AFG3L2: variants seen among roughly 807,000 people sequenced by gnomAD.
AFG3L2 encodes AFG3 like matrix AAA peptidase subunit 2, also known as mitochondrial inner membrane m-AAA protease component AFG3L2.
AFG3L2 carries 54 observed loss-of-function variants against 94.5 expected under a neutral mutation model. The observed-to-expected ratio is 0.57, with a 90% CI of 0.46 to 0.72. The LOEUF (loss-of-function observed/expected upper bound fraction) is 0.72. Ranked by LOEUF, AFG3L2 falls within the 30% of genes least tolerant of loss-of-function variation. The probability of loss-of-function intolerance (pLI) is 0.00; values close to 1 mark genes in which losing one functional copy is unlikely to be tolerated. For synonymous variants in AFG3L2, 377 were observed against 365.5 expected (o/e 1.03, Z -0.36); for missense variants, 754 against 994.9 (o/e 0.76, Z 3.26).
Position 12,355,922 on chromosome 18 carries a change from T to C in AFG3L2, c.1164+772A>G, listed in dbSNP as rs142530205. 9.5e-4 allele frequency among the ~76,000 whole-genome samples: 145 copies of C among 152,192 alleles called. 1 individual carries two copies. Among genetic ancestry groups the C allele is most frequent in the African/African-American group, 3.4e-3 (141 of 41,534 alleles). The stretch of plus-strand genomic sequence containing the variant: ...CTCCAGACCTCCTGATCCGCCTGCC[T>C]TGGCCTCCCAAAGTGCTGGGATATC... On this transcript the variant is annotated intron_variant, in intron 9 of 16. Coordinates refer to ENST00000269143, the MANE Select transcript of AFG3L2 (RefSeq NM_006796.3).
rs1453944727 is a variant in AFG3L2 at position 12,356,735 on chromosome 18, A to G, written c.1123T>C (p.Ser375Pro). 1 of 1,614,228 alleles carries G rather than the reference A, an allele frequency of 6.2e-7. No homozygotes were observed. Residue 375 changes from serine (S) to proline (P), a missense_variant, in exon 9 of 17, where the codon TCT (serine) becomes CCT (proline). By Grantham distance (74) the Ser-to-Pro change is moderately conservative (BLOSUM62 -1). This residue lies in a region of AFG3L2 where 109 missense variants were observed against 227.1 expected (regional missense o/e 0.48). Transcript: ENST00000269143. ...CCAACGAACATCTCCAAAAACTCAG[A>G]TCCACTAACGGTGATGAAGGGGACA... ...ANVPFITVSGSEFLEMFVGVG... is the reference protein window; with the variant it reads ...ANVPFITVSGPEFLEMFVGVG...
chr18:12,340,441 T>C, intron 14 of AFG3L2, 40 bp from the exon 15 acceptor site: 1 of 1,470,376 alleles, frequency 6.8e-7, no homozygotes, highest in Non-Finnish European at 9.5e-7. Flanking sequence ...CTACTACAGA[T>C]GAAGACTTGA....
chr18:12,339,951 C>T (rs1382296440), intron 15 of AFG3L2, among the ~76,000 whole-genome samples: 1 of 151,964 alleles, frequency 6.6e-6, no homozygotes, highest in Non-Finnish European at 1.5e-5. Context: ...ACCCAGGAGG[C>T]AGAGGTTGCA....
At position 12,358,792 on chromosome 18, in the gene AFG3L2, C is replaced by T. The variant is rs1262374549; in HGVS notation, c.904G>A (p.Glu302Lys). 1 of 1,614,276 alleles carries T rather than the reference C, an allele frequency of 6.2e-7. No individual in the cohort carries two copies. Among genetic ancestry groups the T allele is most frequent in the Non-Finnish European group, 8.5e-7 (1 of 1,180,052 alleles). ...ACATCTTTGAACTTCACATCAATTTCATCCTTTAAGACCTTGGCAGTGGTT... is the reference window on the plus strand; with the variant it reads ...ACATCTTTGAACTTCACATCAATTTTATCCTTTAAGACCTTGGCAGTGGTT... ...GETTAKVLKD[E>K]IDVKFKDVAG... Residue 302 changes from glutamate to lysine, a missense_variant, in exon 8 of 17, where the codon GAA becomes AAA. Physicochemically the swap from Glu to Lys is moderately conservative, Grantham distance 56 (BLOSUM62 1). This residue lies in a region of AFG3L2 where 130 missense variants were observed against 175.1 expected (regional missense o/e 0.74). Transcript: ENST00000269143.
intron 5 of AFG3L2, among the ~76,000 whole-genome samples, chr18:12,366,230 T>G (rs1407385259): frequency 6.6e-6 from 1 of 152,198 alleles, no homozygotes; most frequent in African/African-American, 2.4e-5. Flanking sequence ...GAAATGGAGA[T>G]CCATTTTACA....
intron 16 of AFG3L2, chr18:12,337,139 G>C (rs1362551394): frequency 1.6e-6 from 1 of 631,792 alleles, no homozygotes; most frequent in Non-Finnish European, 2.8e-6. Context: ...CACAGGAGCC[G>C]GGACAGTGTC....
At chr18:12,369,438 T>C (rs555557817) in intron 3 of AFG3L2, among the ~76,000 whole-genome samples, 1 of 152,240 alleles carries the variant, frequency 6.6e-6, no homozygotes, top group Non-Finnish European at 1.5e-5. Context: ...TTTAAAAACG[T>C]GGACTCCTCG....
intron 14 of AFG3L2, chr18:12,342,531 G>C (rs749583921): frequency 2.0e-5 from 3 of 152,154 alleles, no homozygotes; most frequent in Non-Finnish European, 4.4e-5. Context: ...TTCAAAGAAA[G>C]AGAGTTTGAA....
chr18:12,331,855 A>G (rs1249357117), intron 16 of AFG3L2, among the ~76,000 whole-genome samples: 1 of 43,320 alleles, frequency 2.3e-5, no homozygotes, highest in Non-Finnish European at 6.1e-5. Flanking sequence ...ATATATATAT[A>G]TATATAAAAC....
Position 12,371,609 on chromosome 18 carries a change from C to G in AFG3L2, c.197G>C (p.Cys66Ser), listed in dbSNP as rs777878815. 1 of 1,613,886 alleles carries G rather than the reference C, an allele frequency of 6.2e-7. No homozygotes were observed. Among genetic ancestry groups the G allele is most frequent in the Admixed American group, 1.7e-5 (1 of 60,014 alleles). The change falls in exon 2 of 17, where the codon TGT (cysteine) becomes TCT (serine). Residue 66 changes from cysteine (C) to serine (S), a missense_variant. Physicochemically the swap from Cys to Ser is moderately radical, Grantham distance 112. This residue lies in a region of AFG3L2 where 236 missense variants were observed against 214.0 expected (regional missense o/e 1.10). Coordinates refer to ENST00000269143, the MANE Select transcript of AFG3L2 (RefSeq NM_006796.3). The part of the protein sequence containing the change: ...TDIIAAYQRF[C>S]SRPPKGFEKY... ...GCATTTACCTTTTGGGGGTCGAGAA[C>G]AGAATCTTTGATAAGCAGCAATTAT...
chr18:12,343,859 C>G (rs537480961), intron 14 of AFG3L2: 1 of 521,380 alleles, frequency 1.9e-6, no homozygotes, highest in Non-Finnish European at 3.5e-6. Flanking sequence ...GCTCCCAGTT[C>G]AAACCCACTG....
intron 3 of AFG3L2, among the ~76,000 whole-genome samples, chr18:12,368,899 G>A (rs1442643700): frequency 6.6e-6 from 1 of 152,084 alleles, no homozygotes; most frequent in Non-Finnish European, 1.5e-5. Flanking sequence ...ACCGCACCCG[G>A]ACCGAATACA....
chr18:12,364,962 G>A (rs1212466060), intron 5 of AFG3L2, among the ~76,000 whole-genome samples: 1 of 152,120 alleles, frequency 6.6e-6, no homozygotes, highest in Non-Finnish European at 1.5e-5. Context: ...GAGCCACCAC[G>A]GCCAGCCTAC....
chr18:12,374,799 G>A (rs553550783), intron 1 of AFG3L2, among the ~76,000 whole-genome samples: 5 of 152,314 alleles, frequency 3.3e-5, no homozygotes, highest in South Asian at 2.1e-4. Flanking sequence ...GGTGGCTCAC[G>A]TCTGTAATAC....
At position 12,351,420 on chromosome 18, in the gene AFG3L2, G is replaced by A. The variant is rs182327153; in HGVS notation, c.1319-7C>T. 1,110 of 1,613,170 alleles carry A rather than the reference G, an allele frequency of 6.9e-4. 4 individuals are homozygous for A. The highest frequency in any genetic ancestry group is 1.3e-3 in the South Asian group (120 of 91,060). The stretch of plus-strand genomic sequence containing the variant: ...TTTGTTGTTGTATTAAAACCTGAAA[G>A]ATAACAAAAATGCAAACACTATTAA... On this transcript the variant is annotated splice_polypyrimidine_tract_variant and splice_region_variant and intron_variant, in intron 10 of 16. Coordinates refer to ENST00000269143, the MANE Select transcript of AFG3L2 (RefSeq NM_006796.3).
chr18:12,352,934 A>G, intron 10 of AFG3L2, 71 bp downstream of exon 10: 1 of 1,598,762 alleles, frequency 6.3e-7, no homozygotes, highest in African/African-American at 1.3e-5. Context: ...AGCCTGGACG[A>G]CAGAGTCAGA....
At chr18:12,363,404 A>G (rs1229844306) in intron 6 of AFG3L2, among the ~76,000 whole-genome samples, 1 of 152,198 alleles carries the variant, frequency 6.6e-6, no homozygotes, top group African/African-American at 2.4e-5. Flanking sequence ...CTTTTAAACT[A>G]ATTTGATAAA....
At chr18:12,373,185 T>C (rs530368449) in intron 1 of AFG3L2, among the ~76,000 whole-genome samples, 1 of 152,360 alleles carries the variant, frequency 6.6e-6, no homozygotes, top group South Asian at 2.1e-4. Flanking sequence ...TTGGAGCTTA[T>C]GTTGTGTTAC....
chr18:12,375,607 C>G (rs1000358901), intron 1 of AFG3L2, among the ~76,000 whole-genome samples: 15 of 151,962 alleles, frequency 9.9e-5, no homozygotes, highest in African/African-American at 3.4e-4. Context: ...GTGCAGTGGC[C>G]CGCTCTTGGC....
Sources: allele counts gnomAD v4.1 joint callset (sites outside exome capture counted in the v4.1 genomes callset), GRCh38; gene constraint gnomAD v4.1.1; regional missense constraint gnomAD v4.1.1; transcripts MANE v1.5; gene names NCBI Gene and HGNC (gene_info 2026-07-23, HGNC 2026-07-21).